The following MTMR3 variants were observed in gnomAD, a reference collection of about 807,000 sequenced individuals.
MTMR3 encodes phosphatidylinositol-3,5-bisphosphate 3-phosphatase MTMR3.
In MTMR3, 32 loss-of-function variants were observed where a neutral mutation model predicts 132.4. The observed-to-expected ratio is 0.24, with a 90% CI of 0.18 to 0.32. The LOEUF (loss-of-function observed/expected upper bound fraction) is 0.32. Ranked by LOEUF, MTMR3 falls within the 10% of genes least tolerant of loss-of-function variation. MTMR3 has a pLI of 1.00. For missense variants in MTMR3, 1,216 were observed against 1,489.6 expected, an observed-to-expected ratio of 0.82 and a Z score of 3.02; for synonymous variants, 556 against 550.3, an observed-to-expected ratio of 1.01 and a Z score of -0.14.
rs1366899291 is a variant in MTMR3, at chr22:29,991,752, C to T, written c.460+82C>T. On this transcript the variant is annotated intron_variant, in intron 7 of 19. Transcript: ENST00000401950. ...GTACTTTTAACATGAAATGGGACAC[C>T]TAAGCATTCATATATCAATCAGTGT... is the stretch of plus-strand genomic sequence containing the variant. The T allele has an allele frequency of 5.1e-6, 7 of 1,384,184 alleles. No homozygotes were observed. The East Asian group carries it at 9.6e-5, about 19-fold the overall frequency. The allele number at this position is 1,384,184 out of a possible 1,614,324, so 85.7% of individuals were successfully genotyped here.
intron 14 of MTMR3, chr22:30,014,430 G>T: frequency 6.6e-6 from 1 of 150,616 alleles, no homozygotes; most frequent in East Asian, 1.9e-4. Context: ...GTACTTCCTT[G>T]CTGTTAGTTC....
chr22:29,948,877 G>A (rs2066001241), intron 1 of MTMR3, among the ~76,000 whole-genome samples: 1 of 151,250 alleles, frequency 6.6e-6, no homozygotes, highest in South Asian at 2.1e-4. Flanking sequence ...GGCTGAGGCA[G>A]GAGGATTGCT....
chr22:29,889,740 A>C (rs904043892), intron 1 of MTMR3, among the ~76,000 whole-genome samples: 1 of 152,052 alleles, frequency 6.6e-6, no homozygotes, highest in Non-Finnish European at 1.5e-5. Flanking sequence ...ATATTCCCTT[A>C]ATGAGCATTT....
intron 1 of MTMR3, among the ~76,000 whole-genome samples, chr22:29,928,917 C>T (rs750622447): frequency 5.3e-5 from 8 of 152,110 alleles, no homozygotes; most frequent in Non-Finnish European, 1.2e-4. Flanking sequence ...TAGTAGTAGT[C>T]GTAGTATATT....
rs1478124820 is a variant in MTMR3, at chr22:30,019,465, ATTCCT to A, written c.1821-7_1821-3del. On this transcript the variant is annotated splice_polypyrimidine_tract_variant and intron_variant, in intron 16 of 19. Coordinates refer to ENST00000401950, the MANE Select transcript of MTMR3 (RefSeq NM_021090.4). ...TTTCCAAGATTTTCATTTCCCCCAA[ATTCCT>A]TTCCTTTAGGCTACCAAAGACTAGA... 5 of 1,577,494 alleles carry A rather than the reference ATTCCT, an allele frequency of 3.2e-6. No individual in the cohort carries two copies. The highest frequency in any genetic ancestry group is 4.3e-6 in the Non-Finnish European group (5 of 1,165,508).
At chr22:29,922,754 T>C (rs979588717) in intron 1 of MTMR3, among the ~76,000 whole-genome samples, 3 of 152,160 alleles carry the variant, frequency 2.0e-5, no homozygotes, top group African/African-American at 7.2e-5. Flanking sequence ...AGCTGTACCA[T>C]TTTACATTCC....
At chr22:29,898,424 A>G (rs546939898) in intron 1 of MTMR3, among the ~76,000 whole-genome samples, 1 of 152,068 alleles carries the variant, frequency 6.6e-6, no homozygotes, top group Non-Finnish European at 1.5e-5. Flanking sequence ...GTTTTTTGAG[A>G]CAGGGTAGGT....
At position 30,016,695 on chromosome 22, in the gene MTMR3, A is replaced by G. The variant is rs1196870821; in HGVS notation, c.1671A>G (p.Glu557=). 1 of 1,612,106 alleles carries G rather than the reference A, an allele frequency of 6.2e-7. No individual in the cohort carries two copies. The highest frequency in any genetic ancestry group is 1.1e-5 in the South Asian group (1 of 90,774). ...FKNLLYSSQS[E]AVLYPVCHVR... ...ACCTACTGTATTCCTCTCAGTCAGA[A>G]GCCGTATGTATCCTTCAGCCTTTCC... is the stretch of plus-strand genomic sequence containing the variant. The change falls in exon 15 of 20, where the codon GAA becomes GAG. Residue 557 remains glutamate, a synonymous_variant. Coordinates refer to ENST00000401950, the MANE Select transcript of MTMR3 (RefSeq NM_021090.4).
intron 1 of MTMR3, among the ~76,000 whole-genome samples, chr22:29,956,549 A>G (rs1452124016): frequency 6.6e-6 from 1 of 152,172 alleles, no homozygotes; most frequent in Non-Finnish European, 1.5e-5. Context: ...GCCTGGCTGA[A>G]TTCTTTGTTT....
intron 1 of MTMR3, among the ~76,000 whole-genome samples, chr22:29,900,044 C>A (rs567065966): frequency 1.3e-5 from 2 of 152,168 alleles, no homozygotes; most frequent in Non-Finnish European, 2.9e-5. Flanking sequence ...AGCCATTTAA[C>A]CTTTTTATTA....
At chr22:30,008,541 G>A (rs565079504) in intron 11 of MTMR3, 51 of 161,536 alleles carry the variant, frequency 3.2e-4, no homozygotes, top group Middle Eastern at 3.2e-3. Flanking sequence ...CCCAAGGAGG[G>A]ACCCCCCTCA....
At chr22:30,013,865 C>T (rs551899079) in intron 14 of MTMR3, 14 of 243,666 alleles carry the variant, frequency 5.7e-5, no homozygotes, top group Non-Finnish European at 8.0e-6. Context: ...TACCAGACCC[C>T]CATGACTGTC....
intron 1 of MTMR3, among the ~76,000 whole-genome samples, chr22:29,946,743 G>A (rs2065960964): frequency 1.5e-5 from 1 of 68,636 alleles, no homozygotes; most frequent in African/African-American, 8.5e-5. Context: ...GGTTGAATTG[G>A]AAAAGTTTTT....
chr22:30,020,723 G>A lies in MTMR3; in HGVS notation c.3064G>A (p.Val1022Met). ...CCACCTGGACGATGATGGCATGTCAGTGTACACAGACACGATCCAACAGCG... is the reference window on the plus strand; with the variant it reads ...CCACCTGGACGATGATGGCATGTCAATGTACACAGACACGATCCAACAGCG... ...RSHLDDDGMS[V>M]YTDTIQQRLR... is the part of the protein sequence containing the mutation. The change falls in exon 17 of 20, where the codon GTG (valine) becomes ATG (methionine). Residue 1022 changes from valine to methionine, a missense_variant. Val to Met is a conservative substitution (Grantham distance 21, BLOSUM62 1). Transcript: ENST00000401950. 1 of 1,614,266 alleles carries A rather than the reference G, an allele frequency of 6.2e-7. No homozygotes were observed. Among genetic ancestry groups the A allele is most frequent in the Non-Finnish European group, 8.5e-7 (1 of 1,180,056 alleles).
chr22:29,889,487 A>G (rs1049027261), intron 1 of MTMR3, among the ~76,000 whole-genome samples: 6 of 151,804 alleles, frequency 4.0e-5, no homozygotes, highest in Non-Finnish European at 5.9e-5. Flanking sequence ...GGGTTTCACC[A>G]TGTTGGCCAG....
Position 29,978,488 on chromosome 22 carries a change from T to G in MTMR3, c.50T>G (p.Ile17Ser). The change falls in exon 4 of 20, where the codon ATC becomes AGC. Residue 17 changes from isoleucine to serine, a missense_variant. Transcript: ENST00000401950. ...HSLECIQANQ[I>S]FPRKQLIRED... ...CTTGAGTGCATCCAGGCCAATCAGA[T>G]CTTTCCCAGGAAGCAGCTGATCCGG... 1 of 1,613,892 alleles carries G rather than the reference T, an allele frequency of 6.2e-7. No homozygotes were observed. The highest frequency in any genetic ancestry group is 8.5e-7 in the Non-Finnish European group (1 of 1,179,854).
At chr22:29,966,733 G>GCA (rs2066425321) in intron 2 of MTMR3, among the ~76,000 whole-genome samples, 1 of 44,518 alleles carries the variant, frequency 2.2e-5, no homozygotes, top group African/African-American at 1.8e-4. Flanking sequence ...GTGCGTGTGT[G>GCA]TGTGTGTGTG....
chr22:30,020,670 C>A lies in MTMR3; in HGVS notation c.3011C>A (p.Thr1004Asn). 2 of 1,614,236 alleles carry A rather than the reference C, an allele frequency of 1.2e-6. No individual in the cohort carries two copies. Among genetic ancestry groups the A allele is most frequent in the Non-Finnish European group, 1.7e-6 (2 of 1,180,044 alleles). The change falls in exon 17 of 20, where the codon ACC (threonine) becomes AAC (asparagine). Residue 1004 changes from threonine (T) to asparagine (N), a missense_variant. By Grantham distance (65) the Thr-to-Asn change is moderately conservative. Transcript: ENST00000401950. ...LHSHSGRPSATSSPDQPSRSH... is the reference protein window; with the variant it reads ...LHSHSGRPSANSSPDQPSRSH... Reference sequence around the variant, plus strand: ...AGCCACTCAGGAAGGCCATCTGCAACCAGCAGCCCCGACCAGCCTTCCCGC... The same window carrying A: ...AGCCACTCAGGAAGGCCATCTGCAAACAGCAGCCCCGACCAGCCTTCCCGC...
chr22:29,962,393 G>A (rs1028124839), intron 2 of MTMR3, among the ~76,000 whole-genome samples: 5 of 152,176 alleles, frequency 3.3e-5, no homozygotes, highest in Non-Finnish European at 7.3e-5. Context: ...CAGGCCAGGT[G>A]TGGTGGCTAA....
Sources: gnomAD v4.1 joint callset for allele counts (sites outside exome capture counted in the v4.1 genomes callset) on GRCh38, gnomAD v4.1.1 for gene constraint, MANE v1.5 for transcripts, NCBI Gene and HGNC (gene_info 2026-07-23, HGNC 2026-07-21) for gene names.